Variants in LRMDA observed in about 807,000 individuals in gnomAD.
The protein encoded by LRMDA is leucine rich melanocyte differentiation associated.
LRMDA carries 18 observed loss-of-function variants against 29.8 expected under a neutral mutation model. The ratio of observed to expected loss-of-function variants is 0.60; its 90% CI spans 0.42 to 0.90. The LOEUF (loss-of-function observed/expected upper bound fraction) is 0.90, where lower values mean the gene tolerates loss of function less well. Among genes scored for constraint, LRMDA ranks in the 40% least tolerant of loss-of-function variants. The pLI, the probability that LRMDA is intolerant of heterozygous loss-of-function variation, is 0.00. For missense variants in LRMDA, 273 were observed against 273.9 expected (o/e 1.00, Z 0.02); for synonymous variants, 125 against 109.4 (o/e 1.14, Z -0.89).
At chr10:75,939,640 C>G (rs1846354446) in intron 2 of LRMDA, among the ~76,000 whole-genome samples, 1 of 152,132 alleles carries the variant, frequency 6.6e-6, no homozygotes, top group African/African-American at 2.4e-5. Context: ...TCACATTCCA[C>G]TTTGTTACTT....
rs1215271932 is a variant in LRMDA, at chr10:75,527,704, TTATATAA to T, written c.131+89216_131+89222del. Among the ~76,000 whole-genome samples, 4 of 147,478 alleles carry T rather than the reference TTATATAA, an allele frequency of 2.7e-5. No individual in the cohort carries two copies. The South Asian group carries it at 6.3e-4, about 23-fold the overall frequency. ...TCATATATAATTTATATTATAATTGTTATATAATATATTAATATAATTATATAATAAT... is the reference window on the plus strand; with the variant it reads ...TCATATATAATTTATATTATAATTGTTATATTAATATAATTATATAATAAT... On this transcript the variant is annotated intron_variant, in intron 2 of 6. Transcript: ENST00000611255.
chr10:75,915,877 C>T (rs1300997333), intron 2 of LRMDA, among the ~76,000 whole-genome samples: 3 of 152,140 alleles, frequency 2.0e-5, no homozygotes, highest in East Asian at 3.9e-4. Context: ...AATTGGCCAC[C>T]GTTCCTGTGG....
chr10:76,508,066 T>C, intron 6 of LRMDA, among the ~76,000 whole-genome samples: 1 of 152,124 alleles, frequency 6.6e-6, no homozygotes. Flanking sequence ...CATGAGTAAA[T>C]TTAGATGATG....
At chr10:75,567,833 A>G (rs958417737) in intron 2 of LRMDA, among the ~76,000 whole-genome samples, 4 of 152,186 alleles carry the variant, frequency 2.6e-5, no homozygotes, top group Non-Finnish European at 5.9e-5. Context: ...AAAATTTAAG[A>G]AGATTATACT....
chr10:76,430,470 C>A (rs1225533592), intron 6 of LRMDA, among the ~76,000 whole-genome samples: 1 of 152,148 alleles, frequency 6.6e-6, no homozygotes, highest in East Asian at 1.9e-4. Context: ...GATGGTATCA[C>A]TTTTTAGTCA....
intron 2 of LRMDA, among the ~76,000 whole-genome samples, chr10:75,600,640 G>C (rs901833210): frequency 1.2e-4 from 19 of 152,188 alleles, no homozygotes; most frequent in Non-Finnish European, 1.0e-4. Flanking sequence ...GGTTTGTGGG[G>C]CAGGGGTAGT....
chr10:75,445,882 T>G (rs1016567300), intron 2 of LRMDA, among the ~76,000 whole-genome samples: 4 of 152,256 alleles, frequency 2.6e-5, no homozygotes, highest in Non-Finnish European at 4.4e-5. Context: ...GCATCTTATT[T>G]TGCATCACTC....
chr10:76,065,986 C>G (rs1396797559), intron 5 of LRMDA, among the ~76,000 whole-genome samples: 1 of 152,186 alleles, frequency 6.6e-6, no homozygotes, highest in South Asian at 2.1e-4. Flanking sequence ...CTGCAAACAT[C>G]CCAGCCAACC....
chr10:75,438,303 C>T (rs1589144428), intron 1 of LRMDA, 91 bp from the exon 2 acceptor site: 1 of 1,001,712 alleles, frequency 1.0e-6, no homozygotes, highest in East Asian at 2.6e-5. Flanking sequence ...TTTCAAGTTG[C>T]AGAAGCAATC....
intron 6 of LRMDA, among the ~76,000 whole-genome samples, chr10:76,495,099 G>A (rs548400390): frequency 3.3e-5 from 5 of 151,902 alleles, no homozygotes; most frequent in African/African-American, 1.2e-4. Flanking sequence ...GGATCATGGG[G>A]ATTTTATATT....
At chr10:76,201,147 A>C (rs1009952097) in intron 5 of LRMDA, among the ~76,000 whole-genome samples, 1 of 151,084 alleles carries the variant, frequency 6.6e-6, no homozygotes, top group East Asian at 1.9e-4. Flanking sequence ...CCCAGGCTGG[A>C]GTGCAATAGT....
chr10:75,771,366 A>G (rs1283929265), intron 2 of LRMDA, among the ~76,000 whole-genome samples: 2 of 151,938 alleles, frequency 1.3e-5, no homozygotes, highest in African/African-American at 4.8e-5. Flanking sequence ...GGCACTTTAC[A>G]TAGGCTAGTA....
At chr10:75,622,899 G>A (rs1477272797) in intron 2 of LRMDA, among the ~76,000 whole-genome samples, 1 of 152,176 alleles carries the variant, frequency 6.6e-6, no homozygotes, top group African/African-American at 2.4e-5. Flanking sequence ...CTGCCTTAGA[G>A]CTGTAATGGG....
At chr10:76,424,836 G>C (rs1297170410) in intron 6 of LRMDA, among the ~76,000 whole-genome samples, 2 of 152,162 alleles carry the variant, frequency 1.3e-5, no homozygotes, top group Non-Finnish European at 2.9e-5. Context: ...TCTTTCCCAA[G>C]TTATTTCTCC....
intron 5 of LRMDA, among the ~76,000 whole-genome samples, chr10:76,134,605 A>G (rs1420620706): frequency 1.3e-5 from 2 of 152,180 alleles, no homozygotes; most frequent in Non-Finnish European, 2.9e-5. Flanking sequence ...CTCTCTATTA[A>G]AGGCATCCCA....
In LRMDA at chr10:76,281,093, A is replaced by AC. The variant is rs139675501; in HGVS notation, c.517-43308_517-43307insC. Among the ~76,000 whole-genome samples the AC allele has an allele frequency of 3.4e-3, 517 of 152,324 alleles. 26 individuals are homozygous for AC. The East Asian group carries it at 0.077, about 23-fold the overall frequency. On this transcript the variant is annotated intron_variant, in intron 5 of 6. Transcript: ENST00000611255. ...TGAACACTTCAGTGGCTGTGAACTC[A>AC]AACTGCTCATTCTGCTCGTGGTAGA... is the stretch of plus-strand genomic sequence containing the variant.
At chr10:75,484,497 A>G (rs1844889616) in intron 2 of LRMDA, among the ~76,000 whole-genome samples, 1 of 152,124 alleles carries the variant, frequency 6.6e-6, no homozygotes, top group African/African-American at 2.4e-5. Context: ...AATTGGCAGG[A>G]GTTTTCTTTT....
intron 5 of LRMDA, among the ~76,000 whole-genome samples, chr10:76,078,697 A>G (rs545233313): frequency 2.0e-5 from 3 of 152,062 alleles, no homozygotes; most frequent in Non-Finnish European, 4.4e-5. Flanking sequence ...TTAGCCGGAC[A>G]TGGTGGTAGG....
chr10:75,638,406 T>A (rs889385397), intron 2 of LRMDA, among the ~76,000 whole-genome samples: 3 of 152,216 alleles, frequency 2.0e-5, no homozygotes, highest in African/African-American at 7.2e-5. Flanking sequence ...CAAGCCCTAC[T>A]GCAAGCCAAT....
Sources: gnomAD v4.1 joint callset for allele counts (sites outside exome capture counted in the v4.1 genomes callset) on GRCh38, gnomAD v4.1.1 for gene constraint, MANE v1.5 for transcripts, NCBI Gene and HGNC (gene_info 2026-07-23, HGNC 2026-07-21) for gene names.